WNT7B: variants seen among roughly 807,000 people sequenced by gnomAD.
The protein encoded by WNT7B is protein Wnt-7b.
WNT7B carries 19 observed loss-of-function variants against 38.2 expected under a neutral mutation model. That is an observed-to-expected ratio of 0.50 (90% CI 0.35 to 0.73). The LOEUF is 0.73. Ranked by LOEUF, WNT7B falls within the 30% of genes least tolerant of loss-of-function variation. WNT7B has a pLI of 0.01. For synonymous variants in WNT7B, 243 were observed against 209.3 expected (o/e 1.16, Z -1.39); for missense variants, 423 against 507.9 (o/e 0.83, Z 1.61).
rs1047665345 is a variant in WNT7B, at chr22:45,972,231, G to A, written c.71+4453C>T. ...ACGAGCGCGCTGCGCGGCGACAGTA[G>A]AAGCATGGTGGGCCGGCGTGCCTGG... is the stretch of plus-strand genomic sequence containing the variant. On this transcript the variant is annotated intron_variant, in intron 1 of 3. Coordinates refer to ENST00000339464, the MANE Select transcript of WNT7B (RefSeq NM_058238.3). 9.3e-6 allele frequency: 6 copies of A among 645,008 alleles called. No individual in the cohort carries two copies. In the South Asian group the frequency reaches 9.8e-5, roughly 11 times the overall value. 40.0% of individuals were successfully genotyped at this position (645,008 alleles called of 1,614,324 possible).
rs966625660 is a variant in WNT7B, at chr22:45,964,420, G to GC, written c.71+12263dup. ...ACAGGAGTGTGGCCCCTGCAGGCCAGCCCCCCCCAGGCTGAGGGGAGTCAT... is the reference window on the plus strand; with the variant it reads ...ACAGGAGTGTGGCCCCTGCAGGCCAGCCCCCCCCCAGGCTGAGGGGAGTCAT... On this transcript the variant is annotated intron_variant, in intron 1 of 3. Transcript: ENST00000339464. Among the ~76,000 whole-genome samples, 765 of 152,018 alleles carry GC rather than the reference G, an allele frequency of 5.0e-3. 5 individuals are homozygous for GC. Among genetic ancestry groups the GC allele is most frequent in the African/African-American group, 0.017 (702 of 41,456 alleles).
chr22:45,969,920 C>T (rs560619691), intron 1 of WNT7B, among the ~76,000 whole-genome samples: 2 of 152,226 alleles, frequency 1.3e-5, no homozygotes, highest in South Asian at 4.1e-4. Flanking sequence ...TCGGCTGACA[C>T]TCACCCCCAC....
In WNT7B at chr22:45,950,065, G is replaced by A; in HGVS notation, c.153C>T (p.Ile51=). ...TGATGGCATCGGGCCGACTCTGGCAGATGGCACGCTGCCGCGGGGCTAGGC... is the reference window on the plus strand; with the variant it reads ...TGATGGCATCGGGCCGACTCTGGCAAATGGCACGCTGCCGCGGGGCTAGGC... ...IPGLAPRQRA[I]CQSRPDAIIV... is the part of the protein sequence containing the mutation. The change falls in exon 2 of 4, where the codon ATC becomes ATT. Residue 51 remains isoleucine, a synonymous_variant. Coordinates refer to ENST00000339464, the MANE Select transcript of WNT7B (RefSeq NM_058238.3). 6.2e-7 allele frequency: 1 copy of A among 1,614,068 alleles called. No individual in the cohort carries two copies. Among genetic ancestry groups the A allele is most frequent in the Non-Finnish European group, 8.5e-7 (1 of 1,180,046 alleles).
At position 45,922,658 on chromosome 22, in the gene WNT7B, G is replaced by T; in HGVS notation, c.*198C>A. 1.2e-6 allele frequency: 1 copy of T among 838,004 alleles called. No individual in the cohort carries two copies. The allele number at this position is 838,004 out of a possible 1,614,324, so 51.9% of individuals were successfully genotyped here. ...GCTGTTCTGCCGCAGGAGGTGATGG[G>T]AGGAGGTGGCAGGAAGGAGCCCCAG... is the stretch of plus-strand genomic sequence containing the variant. On this transcript the variant is annotated 3_prime_UTR_variant, in exon 4 of 4. Transcript: ENST00000339464.
At position 45,923,012 on chromosome 22, in the gene WNT7B, C is replaced by A. The variant is rs61735050; in HGVS notation, c.894G>T (p.Ser298=). Reference sequence around the variant, plus strand: ...TGGTGTCACAGCCGTCCGCGCCGGGCGACGTGCGGTTGCAGAGACGGCCCT... The same window carrying A: ...TGGTGTCACAGCCGTCCGCGCCGGGAGACGTGCGGTTGCAGAGACGGCCCT... ...GTQGRLCNRT[S]PGADGCDTMC... is the part of the protein sequence containing the mutation. The change falls in exon 4 of 4, where the codon TCG becomes TCT. Residue 298 remains serine, a synonymous_variant. Transcript: ENST00000339464. 1 of 1,612,872 alleles carries A rather than the reference C, an allele frequency of 6.2e-7. No individual in the cohort carries two copies. The highest frequency in any genetic ancestry group is 8.5e-7 in the Non-Finnish European group (1 of 1,179,650).
At chr22:45,936,900 A>C (rs977764383) in intron 2 of WNT7B, among the ~76,000 whole-genome samples, 3 of 152,216 alleles carry the variant, frequency 2.0e-5, no homozygotes, top group Non-Finnish European at 4.4e-5. Flanking sequence ...CTGGGGGCTG[A>C]GTCCACCCTC....
intron 2 of WNT7B, among the ~76,000 whole-genome samples, chr22:45,942,862 TGTGTGTGTGCGTGTGTGCATGTATGTGC>T (rs1569116737): frequency 2.6e-5 from 4 of 151,476 alleles, no homozygotes; most frequent in African/African-American, 9.7e-5. Context: ...GTGCTGTGTG[TGTGTGTGTGCGTGTGTGCATGTATGTGC>T]GTGTGTGTGC....
intron 3 of WNT7B, among the ~76,000 whole-genome samples, chr22:45,929,775 T>C (rs1355026919): frequency 2.7e-5 from 4 of 146,692 alleles, no homozygotes; most frequent in Admixed American, 1.4e-4. Flanking sequence ...TACTTATCCT[T>C]CCATCCACCC....
intron 1 of WNT7B, chr22:45,954,634 A>G: frequency 1.0e-6 from 1 of 985,422 alleles, no homozygotes; most frequent in Non-Finnish European, 1.2e-6. Flanking sequence ...TTAAAGGGGA[A>G]GTAAAGGCAT....
chr22:45,925,532 G>C, intron 3 of WNT7B: 1 of 985,246 alleles, frequency 1.0e-6, no homozygotes, highest in South Asian at 4.7e-5. Context: ...CTGCGTGTCT[G>C]GGCGACCCCC....
chr22:45,929,508 C>G (rs993535428), intron 3 of WNT7B, among the ~76,000 whole-genome samples: 3 of 135,452 alleles, frequency 2.2e-5, no homozygotes, highest in African/African-American at 8.7e-5. Flanking sequence ...ACCCACCCAC[C>G]AATACTTCCG....
intron 2 of WNT7B, among the ~76,000 whole-genome samples, chr22:45,933,673 G>A (rs1380234103): frequency 6.6e-6 from 1 of 152,156 alleles, no homozygotes; most frequent in East Asian, 1.9e-4. Flanking sequence ...CCGTGGAGTG[G>A]AGTCAAGGAA....
intron 1 of WNT7B, among the ~76,000 whole-genome samples, chr22:45,952,407 G>T (rs1020061737): frequency 1.3e-5 from 2 of 152,212 alleles, no homozygotes; most frequent in Non-Finnish European, 2.9e-5. Context: ...GTCTCCCATG[G>T]GCACAATGGG....
At chr22:45,960,888 G>T (rs553796358) in intron 1 of WNT7B, among the ~76,000 whole-genome samples, 3 of 152,312 alleles carry the variant, frequency 2.0e-5, no homozygotes, top group Non-Finnish European at 4.4e-5. Context: ...GAGCCAGCAG[G>T]GTTCCTTGGG....
At chr22:45,973,892 G>GC (rs200336025) in intron 1 of WNT7B, among the ~76,000 whole-genome samples, 1 of 96,792 alleles carries the variant, frequency 1.0e-5, no homozygotes, top group East Asian at 3.8e-4. Flanking sequence ...TGCCCAGGTG[G>GC]CCCCCCGTGT....
In WNT7B at chr22:45,976,742, A is replaced by C; in HGVS notation, c.13T>G (p.Phe5Val). MHRN[F>V]RKWIFYVFLC... ...AACACGTAGAAAATCCACTTGCGAA[A>C]GTTTCTGTGCATGATCCAGGGAGGG... is the stretch of plus-strand genomic sequence containing the variant. Residue 5 changes from phenylalanine to valine, a missense_variant, in exon 1 of 4, where the codon TTT becomes GTT. By Grantham distance (50) the Phe-to-Val change is conservative. Transcript: ENST00000339464. The surrounding 1 kb of genome is among the most constrained non-coding windows in gnomAD (Gnocchi z 8.5). 1 of 1,609,170 alleles carries C rather than the reference A, an allele frequency of 6.2e-7. No individual in the cohort carries two copies. The highest frequency in any genetic ancestry group is 8.5e-7 in the Non-Finnish European group (1 of 1,177,338).
At chr22:45,960,207 A>G (rs369564066) in intron 1 of WNT7B, among the ~76,000 whole-genome samples, 49 of 152,080 alleles carry the variant, frequency 3.2e-4, no homozygotes, top group African/African-American at 1.2e-3. Context: ...CTGCCCCCTC[A>G]GCCCTCACTC....
intron 1 of WNT7B, among the ~76,000 whole-genome samples, chr22:45,955,794 C>A (rs920770798): frequency 1.3e-5 from 2 of 152,154 alleles, no homozygotes; most frequent in Non-Finnish European, 2.9e-5. Flanking sequence ...AGAGTTTAGC[C>A]CTGCAGACAA....
chr22:45,950,204 C>T, intron 1 of WNT7B, 58 bp from the exon 2 acceptor site: 1 of 1,437,344 alleles, frequency 7.0e-7, no homozygotes, highest in South Asian at 1.2e-5. Context: ...CCCTCCTCAC[C>T]CCCAACACCT....
Sources: allele counts gnomAD v4.1 joint callset (sites outside exome capture counted in the v4.1 genomes callset), GRCh38; gene constraint gnomAD v4.1.1; non-coding constraint Gnocchi (gnomAD v3.1); transcripts MANE v1.5; gene names NCBI Gene and HGNC (gene_info 2026-07-23, HGNC 2026-07-21).